The following ADGRL3 variants were observed in gnomAD, a reference collection of about 807,000 sequenced individuals.
The protein encoded by ADGRL3 is calcium-independent alpha-latrotoxin receptor 3.
ADGRL3 carries 62 observed loss-of-function variants against 153.5 expected under a neutral mutation model. The observed-to-expected ratio is 0.40, with a 90% confidence interval of 0.33 to 0.50. The LOEUF (loss-of-function observed/expected upper bound fraction) is 0.50. Ranked by LOEUF, ADGRL3 falls within the 20% of genes least tolerant of loss-of-function variation. ADGRL3 has a pLI of 0.47. For synonymous variants in ADGRL3, 710 were observed against 672.5 expected (o/e 1.06, Z -0.86); for missense variants, 1,641 against 1,859.4 (o/e 0.88, Z 2.16).
At position 61,849,773 on chromosome 4, in the gene ADGRL3, C is replaced by T. The variant is rs1211745680; in HGVS notation, c.1480+35884C>T. ...ATGCCAGCTGTGACTTTATTTCTTA[C>T]AAACAAAGAGAAAATGCAATCAACA... On this transcript the variant is annotated intron_variant, in intron 9 of 26. Transcript: ENST00000683033. Among the ~76,000 whole-genome samples, 3 of 152,052 alleles carry T rather than the reference C, an allele frequency of 2.0e-5. No homozygotes were observed. The South Asian group carries it at 6.2e-4, about 31-fold the overall frequency.
intron 6 of ADGRL3, among the ~76,000 whole-genome samples, chr4:61,687,890 T>C (rs928571086): frequency 2.0e-5 from 3 of 152,090 alleles, no homozygotes; most frequent in Admixed American, 1.3e-4. Context: ...CTGCTTTGTA[T>C]GTATTATTTT....
intron 1 of ADGRL3, among the ~76,000 whole-genome samples, chr4:61,251,656 A>C (rs867096657): frequency 4.6e-5 from 7 of 152,130 alleles, no homozygotes; most frequent in African/African-American, 1.7e-4. Context: ...TAATTTAACT[A>C]TAATGTGTCA....
intron 1 of ADGRL3, among the ~76,000 whole-genome samples, chr4:61,361,222 A>G (rs1397106460): frequency 6.6e-6 from 1 of 152,158 alleles, no homozygotes; most frequent in African/African-American, 2.4e-5. Flanking sequence ...TTACATTTAT[A>G]AAGTGGGTTT....
chr4:61,264,542 T>C (rs1281894935), intron 1 of ADGRL3, among the ~76,000 whole-genome samples: 1 of 152,032 alleles, frequency 6.6e-6, no homozygotes. Flanking sequence ...CTTTCTTCCT[T>C]TTTAAAAATC....
At chr4:61,601,534 A>G (rs1198103664) in intron 5 of ADGRL3, among the ~76,000 whole-genome samples, 3 of 152,222 alleles carry the variant, frequency 2.0e-5, no homozygotes, top group Admixed American at 6.5e-5. Flanking sequence ...TTTTGCACAT[A>G]TTTGATATTG....
At chr4:61,757,520 A>G (rs1466724770) in intron 8 of ADGRL3, among the ~76,000 whole-genome samples, 6 of 151,558 alleles carry the variant, frequency 4.0e-5, no homozygotes, top group Non-Finnish European at 1.5e-5. Context: ...CTTTTCTTCT[A>G]TTAGTCTTGC....
intron 11 of ADGRL3, among the ~76,000 whole-genome samples, chr4:61,900,054 G>A (rs1205843225): frequency 2.6e-5 from 4 of 152,122 alleles, no homozygotes; most frequent in Non-Finnish European, 2.9e-5. Context: ...AGGACATGAA[G>A]GAAAGAGCAC....
chr4:61,821,167 T>G (rs2148721913), intron 9 of ADGRL3, among the ~76,000 whole-genome samples: 1 of 129,600 alleles, frequency 7.7e-6, no homozygotes, highest in East Asian at 2.3e-4. Context: ...CAATTGAAGT[T>G]AGACAAATTC....
At chr4:61,376,692 A>G (rs1212910962) in intron 1 of ADGRL3, among the ~76,000 whole-genome samples, 2 of 152,144 alleles carry the variant, frequency 1.3e-5, no homozygotes, top group African/African-American at 2.4e-5. Flanking sequence ...TTCTCCCTTC[A>G]TAAGAAGCTT....
Position 62,019,669 on chromosome 4 carries a change from T to C in ADGRL3, c.3396-9186T>C, listed in dbSNP as rs972323933. 4.6e-5 allele frequency among the ~76,000 whole-genome samples: 7 copies of C among 152,232 alleles called. 1 individual carries two copies. Among genetic ancestry groups the C allele is most frequent in the Admixed American group, 1.3e-4 (2 of 15,272 alleles). On this transcript the variant is annotated intron_variant, in intron 21 of 26. Transcript: ENST00000683033. ...AAAAGCAGAATTGAGATAGAGCTCTTAAGTAATTAATCAGGTCTGCTCACT... is the reference window on the plus strand; with the variant it reads ...AAAAGCAGAATTGAGATAGAGCTCTCAAGTAATTAATCAGGTCTGCTCACT...
At chr4:61,623,064 A>G (rs2092625808) in intron 5 of ADGRL3, among the ~76,000 whole-genome samples, 1 of 152,146 alleles carries the variant, frequency 6.6e-6, no homozygotes, top group Non-Finnish European at 1.5e-5. Context: ...AAATCTCTCT[A>G]ACTTTAAAGT....
At position 61,947,055 on chromosome 4, in the gene ADGRL3, T is replaced by C; in HGVS notation, c.2561T>C (p.Ile854Thr). ...IVNSPVITAA[I>T]NKEFSNKVYL... Reference sequence around the variant, plus strand: ...AATTCCCCTGTTATTACGGCAGCAATAAACAAAGAGTTCAGTAACAAGGTT... The same window carrying C: ...AATTCCCCTGTTATTACGGCAGCAACAAACAAAGAGTTCAGTAACAAGGTT... Residue 854 changes from isoleucine (I) to threonine (T), a missense_variant, in exon 16 of 27, where the codon ATA (isoleucine) becomes ACA (threonine). This residue lies in a region of ADGRL3 where 734 missense variants were observed against 797.0 expected (regional missense o/e 0.92). Transcript: ENST00000683033. 6.2e-7 allele frequency: 1 copy of C among 1,613,812 alleles called. No individual in the cohort carries two copies. Among genetic ancestry groups the C allele is most frequent in the Non-Finnish European group, 8.5e-7 (1 of 1,179,792 alleles).
At chr4:61,570,609 CA>C (rs2098834721) in intron 4 of ADGRL3, among the ~76,000 whole-genome samples, 1 of 152,158 alleles carries the variant, frequency 6.6e-6, no homozygotes, top group Non-Finnish European at 1.5e-5. Flanking sequence ...TGCACCATTA[CA>C]CTTACCACTA....
At chr4:61,969,106 G>T in intron 17 of ADGRL3, among the ~76,000 whole-genome samples, 1 of 152,016 alleles carries the variant, frequency 6.6e-6, no homozygotes, top group East Asian at 1.9e-4. Flanking sequence ...TCAGCATATT[G>T]GTCCTCAAAA....
chr4:61,225,305 T>C (rs1326609497), intron 1 of ADGRL3, among the ~76,000 whole-genome samples: 4 of 152,188 alleles, frequency 2.6e-5, no homozygotes, highest in Admixed American at 2.6e-4. Context: ...CACTGGTTCC[T>C]AGCCAAACCT....
intron 9 of ADGRL3, among the ~76,000 whole-genome samples, chr4:61,844,546 CAAAAAAAAAA>C (rs71604517): frequency 4.0e-4 from 7 of 17,546 alleles, no homozygotes; most frequent in African/African-American, 2.2e-3. Flanking sequence ...GACTGCATCT[CAAAAAAAAAA>C]AAAAAAAAAA....
At chr4:61,851,657 G>T (rs1392093374) in intron 9 of ADGRL3, among the ~76,000 whole-genome samples, 1 of 151,550 alleles carries the variant, frequency 6.6e-6, no homozygotes, top group African/African-American at 2.4e-5. Context: ...CATTTTCAGG[G>T]GACAATTACT....
At chr4:61,504,716 A>G (rs1053037612) in intron 3 of ADGRL3, among the ~76,000 whole-genome samples, 3 of 151,996 alleles carry the variant, frequency 2.0e-5, no homozygotes, top group African/African-American at 7.3e-5. Flanking sequence ...CCATTAGTTT[A>G]ATATTTTTTT....
At chr4:61,231,319 G>A (rs886829505) in intron 1 of ADGRL3, among the ~76,000 whole-genome samples, 2 of 152,160 alleles carry the variant, frequency 1.3e-5, no homozygotes, top group African/African-American at 2.4e-5. Flanking sequence ...GCAATTGGGT[G>A]AGGCAGAAAC....
Sources: allele counts gnomAD v4.1 joint callset (sites outside exome capture counted in the v4.1 genomes callset), GRCh38; gene constraint gnomAD v4.1.1; regional missense constraint gnomAD v4.1.1; transcripts MANE v1.5; gene names NCBI Gene and HGNC (gene_info 2026-07-23, HGNC 2026-07-21).